Variants in ARHGAP44 observed in about 807,000 individuals in gnomAD.
The protein encoded by ARHGAP44 is Rho GTPase activating protein 44.
Under a neutral mutation model 106.8 loss-of-function variants are expected in ARHGAP44, and 43 were observed. The ratio of observed to expected loss-of-function variants is 0.40; its 90% CI spans 0.32 to 0.52. The LOEUF is 0.52. ARHGAP44 is among the 20% of genes least tolerant of loss of function. The pLI, the probability that ARHGAP44 is intolerant of heterozygous loss-of-function variation, is 0.48. For synonymous variants in ARHGAP44, 439 were observed against 410.3 expected, an observed-to-expected ratio of 1.07 and a Z score of -0.85; for missense variants, 866 against 1,050.5, an observed-to-expected ratio of 0.82 and a Z score of 2.43.
rs151313401 is a variant in ARHGAP44 at position 12,882,584 on chromosome 17, A to G, written c.54-12356A>G. Among the ~76,000 whole-genome samples the G allele has an allele frequency of 3.5e-3, 534 of 152,228 alleles. 4 individuals are homozygous for G. Among genetic ancestry groups the G allele is most frequent in the African/African-American group, 0.012 (512 of 41,568 alleles). On this transcript the variant is annotated intron_variant, in intron 1 of 20. Coordinates refer to ENST00000379672, the MANE Select transcript of ARHGAP44 (RefSeq NM_014859.6). ...TGTTTTTAACATGTTTCCAGTAAGA[A>G]TAATGTTTTATAGGTGCTTTTTAAA... is the stretch of plus-strand genomic sequence containing the variant.
intron 16 of ARHGAP44, among the ~76,000 whole-genome samples, chr17:12,965,046 G>T (rs1265879042): frequency 6.6e-6 from 1 of 152,066 alleles, no homozygotes; most frequent in Admixed American, 6.6e-5. Context: ...CTGCTGGCTT[G>T]TCCATCTGTT....
In ARHGAP44 at chr17:12,991,268, A is replaced by C. The variant is rs1279642600; in HGVS notation, c.*1097A>C. The C allele has an allele frequency of 6.6e-6, 1 of 152,614 alleles. No individual in the cohort carries two copies. The highest frequency in any genetic ancestry group is 1.9e-4 in the East Asian group (1 of 5,204). 9.5% of individuals were successfully genotyped at this position (152,614 alleles called of 1,614,324 possible). ...GAAAAGATTTGGGCCATGCATGCAAAGTCAAAGTTTAAAATTTTATCCTTT... is the reference window on the plus strand; with the variant it reads ...GAAAAGATTTGGGCCATGCATGCAACGTCAAAGTTTAAAATTTTATCCTTT... On this transcript the variant is annotated 3_prime_UTR_variant, in exon 21 of 21. Transcript: ENST00000379672.
chr17:12,990,386 G>C lies in ARHGAP44; in HGVS notation c.*215G>C, dbSNP rs2040100471. ...TTTGTTCCTTTCGGGTGGTGACTTC[G>C]GCCTTTTGTTTGACCTTTGCCTTTT... is the stretch of plus-strand genomic sequence containing the variant. On this transcript the variant is annotated 3_prime_UTR_variant, in exon 21 of 21. Transcript: ENST00000379672. The C allele has an allele frequency of 1.7e-6, 1 of 585,274 alleles. No homozygotes were observed. The highest frequency in any genetic ancestry group is 2.9e-6 in the Non-Finnish European group (1 of 345,608). 36.3% of individuals were successfully genotyped at this position (585,274 alleles called of 1,614,324 possible). A position where few individuals can be genotyped will look rare whatever the true frequency, so the allele number is the denominator to read the frequency against.
chr17:12,844,777 T>A (rs1218171056), intron 1 of ARHGAP44, among the ~76,000 whole-genome samples: 1 of 152,220 alleles, frequency 6.6e-6, no homozygotes, highest in African/African-American at 2.4e-5. Flanking sequence ...TATTTTTATT[T>A]ATTTATTTTT....
At chr17:12,938,596 A>C (rs1001078623) in intron 7 of ARHGAP44, among the ~76,000 whole-genome samples, 6 of 151,498 alleles carry the variant, frequency 4.0e-5, no homozygotes, top group South Asian at 2.1e-4. Flanking sequence ...AAAAAAAAAA[A>C]AAAAAAACAG....
intron 13 of ARHGAP44, among the ~76,000 whole-genome samples, chr17:12,953,054 G>A (rs2039037169): frequency 6.6e-6 from 1 of 152,150 alleles, no homozygotes; most frequent in African/African-American, 2.4e-5. Context: ...TAAGATATTG[G>A]GGATTTGTGG....
At chr17:12,919,558 G>T (rs1438313762) in intron 5 of ARHGAP44, among the ~76,000 whole-genome samples, 197 bp from the exon 6 acceptor site, 3 of 152,030 alleles carry the variant, frequency 2.0e-5, no homozygotes, top group Non-Finnish European at 4.4e-5. Context: ...GTTAATTTTT[G>T]TATTTTTAGT....
At chr17:12,933,451 G>A (rs2038457751) in intron 7 of ARHGAP44, among the ~76,000 whole-genome samples, 1 of 152,204 alleles carries the variant, frequency 6.6e-6, no homozygotes, top group Non-Finnish European at 1.5e-5. Flanking sequence ...GCTTGCAGGT[G>A]CAGCACTGCC....
chr17:12,829,595 A>G (rs1407244104), intron 1 of ARHGAP44, among the ~76,000 whole-genome samples: 1 of 152,168 alleles, frequency 6.6e-6, no homozygotes, highest in Non-Finnish European at 1.5e-5. Context: ...AGTGGTGATC[A>G]TTTGATTATA....
At chr17:12,936,984 G>A (rs1177290527) in intron 7 of ARHGAP44, among the ~76,000 whole-genome samples, 1 of 152,136 alleles carries the variant, frequency 6.6e-6, no homozygotes, top group South Asian at 2.1e-4. Context: ...AAGAAACAGC[G>A]GTAAATAGTT....
intron 10 of ARHGAP44, among the ~76,000 whole-genome samples, chr17:12,946,294 A>G (rs753611633): frequency 6.6e-6 from 1 of 152,096 alleles, no homozygotes; most frequent in Admixed American, 6.6e-5. Flanking sequence ...CCTAGACATT[A>G]TATCATTTCA....
intron 1 of ARHGAP44, among the ~76,000 whole-genome samples, chr17:12,802,164 A>G (rs1035325866): frequency 1.2e-4 from 19 of 152,228 alleles, no homozygotes; most frequent in African/African-American, 4.6e-4. Flanking sequence ...TTTTAAAGAC[A>G]TAACATTTTG....
rs190712185 is a variant in ARHGAP44, at chr17:12,972,730, C to T, written c.1524-572C>T. On this transcript the variant is annotated intron_variant, in intron 16 of 20. Transcript: ENST00000379672. Reference sequence around the variant, plus strand: ...AGGCTGGAGTGCACCGTCGCAGTCTCGGCTCACTGCAAGCTCCACCTCCTG... The same window carrying T: ...AGGCTGGAGTGCACCGTCGCAGTCTTGGCTCACTGCAAGCTCCACCTCCTG... 6.1e-3 allele frequency among the ~76,000 whole-genome samples: 918 copies of T among 151,220 alleles called. 6 individuals are homozygous for T. Among genetic ancestry groups the T allele is most frequent in the Middle Eastern group, 6.8e-3 (2 of 292 alleles).
rs76734427 is a variant in ARHGAP44 at position 12,789,720 on chromosome 17, T to G, written c.-119T>G. On this transcript the variant is annotated 5_prime_UTR_variant, in exon 1 of 21. Coordinates refer to ENST00000379672, the MANE Select transcript of ARHGAP44 (RefSeq NM_014859.6). ...CGCGGGCCAGACGGCGCCCGGAGGCTCCGCAGTGCCGCCGCCGTCGCCCGG... is the reference window on the plus strand; with the variant it reads ...CGCGGGCCAGACGGCGCCCGGAGGCGCCGCAGTGCCGCCGCCGTCGCCCGG... The G allele has an allele frequency of 4.3e-3, 3,942 of 927,424 alleles. 19 individuals are homozygous for G. The highest frequency in any genetic ancestry group is 8.4e-3 in the Admixed American group (193 of 22,980). 57.4% of individuals were successfully genotyped at this position (927,424 alleles called of 1,614,324 possible).
At chr17:12,790,797 A>C (rs141313277) in intron 1 of ARHGAP44, 14 of 152,326 alleles carry the variant, frequency 9.2e-5, no homozygotes, top group African/African-American at 2.9e-4. Context: ...TTCTTTGAAC[A>C]CAGGAGCGTT....
rs2033719410 is a variant in ARHGAP44, at chr17:12,790,629, A to G, written c.53+738A>G. The G allele has an allele frequency of 1.3e-5, 2 of 152,572 alleles. 1 individual carries two copies. The highest frequency in any genetic ancestry group is 2.9e-5 in the Non-Finnish European group (2 of 68,390). 9.5% of individuals were successfully genotyped at this position (152,572 alleles called of 1,614,324 possible). On this transcript the variant is annotated intron_variant, in intron 1 of 20. Coordinates refer to ENST00000379672, the MANE Select transcript of ARHGAP44 (RefSeq NM_014859.6). ...GGTAGGGGAGGGGGACAGAGGCCCC[A>G]CAGTCAGAAGAGTCAGGCCCCGGGA...
intron 1 of ARHGAP44, among the ~76,000 whole-genome samples, chr17:12,839,653 G>A (rs1047167353): frequency 6.6e-6 from 1 of 152,132 alleles, no homozygotes; most frequent in African/African-American, 2.4e-5. Context: ...TTTAGTAGAG[G>A]TATTTCACCA....
Position 12,991,397 on chromosome 17 carries a change from GGT to G in ARHGAP44, c.*1229_*1230del. The G allele has an allele frequency of 6.3e-6, 1 of 158,384 alleles. No homozygotes were observed. The highest frequency in any genetic ancestry group is 2.4e-5 in the African/African-American group (1 of 41,686). 9.8% of individuals were successfully genotyped at this position (158,384 alleles called of 1,614,324 possible). ...GCCATTCAATCTAAACCAATGTACA[GGT>G]GTACAATGAAAAATTTAAATGCTTA... On this transcript the variant is annotated 3_prime_UTR_variant, in exon 21 of 21. Coordinates refer to ENST00000379672, the MANE Select transcript of ARHGAP44 (RefSeq NM_014859.6).
At chr17:12,983,182 A>G (rs1291429083) in intron 19 of ARHGAP44, among the ~76,000 whole-genome samples, 3 of 148,588 alleles carry the variant, frequency 2.0e-5, no homozygotes, top group Non-Finnish European at 3.0e-5. Context: ...GGAGAATGGC[A>G]TGAACCCGGG....
Sources: allele counts gnomAD v4.1 joint callset (sites outside exome capture counted in the v4.1 genomes callset), GRCh38; gene constraint gnomAD v4.1.1; transcripts MANE v1.5; gene names NCBI Gene and HGNC (gene_info 2026-07-23, HGNC 2026-07-21).